SQSTM1: variants seen among roughly 807,000 people sequenced by gnomAD.
SQSTM1 encodes sequestosome 1, also known as sequestosome-1.
A neutral mutation model predicts 45.1 loss-of-function variants in SQSTM1; 36 were observed. That is an observed-to-expected ratio of 0.80 (90% CI 0.61 to 1.05). The LOEUF (loss-of-function observed/expected upper bound fraction) is 1.05, where lower values mean the gene tolerates loss of function less well. Ranked by LOEUF, SQSTM1 falls within the 50% of genes least tolerant of loss-of-function variation. The probability of loss-of-function intolerance (pLI) is 0.00; values close to 1 mark genes in which losing one functional copy is unlikely to be tolerated. For missense variants in SQSTM1, 617 were observed against 607.1 expected (o/e 1.02, Z -0.17); for synonymous variants, 290 against 244.3 (o/e 1.19, Z -1.74).
chr5:179,834,086 A>G (rs1348498055), intron 7 of SQSTM1, among the ~76,000 whole-genome samples: 1 of 145,196 alleles, frequency 6.9e-6, no homozygotes, highest in Non-Finnish European at 1.5e-5. Flanking sequence ...TGTGACACAG[A>G]GAGGGGGCAG....
chr5:179,836,738 G>A lies in SQSTM1; in HGVS notation c.*145G>A, dbSNP rs796259575. 3.2e-6 allele frequency: 4 copies of A among 1,243,720 alleles called. No homozygotes were observed. The Admixed American group carries it at 7.0e-5, about 22-fold the overall frequency. The allele number at this position is 1,243,720 out of a possible 1,614,324, so 77.0% of individuals were successfully genotyped here. On this transcript the variant is annotated 3_prime_UTR_variant, in exon 8 of 8. Coordinates refer to ENST00000389805, the MANE Select transcript of SQSTM1 (RefSeq NM_003900.5). ...AGGGTGCAAGAAGCCATTTAGGGCAGCAAAACAAGTGACATGAAGGGAGGG... is the reference window on the plus strand; with the variant it reads ...AGGGTGCAAGAAGCCATTTAGGGCAACAAAACAAGTGACATGAAGGGAGGG...
chr5:179,819,715 CGGATGCAGGGA>C (rs1562647097), upstream of SQSTM1, among the ~76,000 whole-genome samples: 1 of 152,194 alleles, frequency 6.6e-6, no homozygotes, highest in African/African-American at 2.4e-5. Context: ...TCTCCACCGC[CGGATGCAGGGA>C]GAGGCCTGAA....
At chr5:179,824,408 C>T in intron 4 of SQSTM1, 85 bp downstream of exon 4, 2 of 1,596,316 alleles carry the variant, frequency 1.3e-6, no homozygotes, top group South Asian at 2.2e-5. Context: ...AGCGTGTGTG[C>T]AAGGCAAGAA....
At chr5:179,817,060 C>T (rs1347942141), upstream of SQSTM1, among the ~76,000 whole-genome samples, 2 of 150,374 alleles carry the variant, frequency 1.3e-5, no homozygotes, top group African/African-American at 2.4e-5. Context: ...CGAGGCCTTC[C>T]GCGGGCGTGC....
At chr5:179,824,920 C>T (rs1757932303) in intron 4 of SQSTM1, among the ~76,000 whole-genome samples, 1 of 151,482 alleles carries the variant, frequency 6.6e-6, no homozygotes, top group African/African-American at 2.4e-5. Context: ...GCACCAGGGT[C>T]ACAGATGAGG....
intron 7 of SQSTM1, among the ~76,000 whole-genome samples, chr5:179,834,416 T>TTTATTTAG (rs1758409266): frequency 6.6e-6 from 1 of 151,122 alleles, no homozygotes; most frequent in African/African-American, 2.4e-5. Context: ...TTTTTGTTTA[T>TTTATTTAG]TTATTTATTT....
upstream of SQSTM1, chr5:179,820,470 G>A (rs193109098): frequency 6.4e-6 from 1 of 155,572 alleles, no homozygotes; most frequent in African/African-American, 2.4e-5. Context: ...GGCCAGCAGT[G>A]CCCACTGGGC....
Position 179,821,497 on chromosome 5 carries a change from G to A in SQSTM1, c.205+356G>A, listed in dbSNP as rs1029524912. The A allele has an allele frequency of 7.6e-6, 4 of 524,430 alleles. No homozygotes were observed. The African/African-American group carries it at 7.7e-5, about 10-fold the overall frequency. The allele number at this position is 524,430 out of a possible 1,614,324, so 32.5% of individuals were successfully genotyped here. A position where few individuals can be genotyped will look rare whatever the true frequency, so the allele number is the denominator to read the frequency against. On this transcript the variant is annotated intron_variant, in intron 1 of 7. Coordinates refer to ENST00000389805, the MANE Select transcript of SQSTM1 (RefSeq NM_003900.5). Reference sequence around the variant, plus strand: ...GGGGCGAACGCTCTGGCTCTCCGCGGGCACTGGGTGGTCAGGCGGGCACTC... The same window carrying A: ...GGGGCGAACGCTCTGGCTCTCCGCGAGCACTGGGTGGTCAGGCGGGCACTC...
intron 1 of SQSTM1, chr5:179,821,825 G>A: frequency 3.4e-6 from 1 of 290,128 alleles, no homozygotes; most frequent in South Asian, 2.5e-5. Context: ...TGCTGGGGGT[G>A]GGGTTAGGGA....
In SQSTM1 at chr5:179,823,445, CAAAAAAAAAAAAAAAAAAAAAAAA is replaced by C. The variant is rs59899831; in HGVS notation, c.302-401_302-378del. The C allele has an allele frequency of 6.1e-4, 34 of 55,928 alleles. No individual in the cohort carries two copies. In the South Asian group the frequency reaches 7.2e-3, roughly 12 times the overall value. 3.5% of individuals were successfully genotyped at this position (55,928 alleles called of 1,614,324 possible). A position where few individuals can be genotyped will look rare whatever the true frequency, so the allele number is the denominator to read the frequency against. On this transcript the variant is annotated intron_variant, in intron 2 of 7. Transcript: ENST00000389805. Reference sequence around the variant, plus strand: ...CATGACTGTACTCCAGCCTAGGCGACAAAAAAAAAAAAAAAAAAAAAAAAAAAAAAAAAAAGACATTTTAAGTGC... The same window carrying C: ...CATGACTGTACTCCAGCCTAGGCGACAAAAAAAAAAAGACATTTTAAGTGC...
chr5:179,830,509 G>C (rs1322671797), intron 5 of SQSTM1, among the ~76,000 whole-genome samples: 1 of 151,870 alleles, frequency 6.6e-6, no homozygotes, highest in African/African-American at 2.4e-5. Context: ...AGCCTCCCCA[G>C]TAGCTGGGAC....
At position 179,806,600 on chromosome 5, in the gene SQSTM1, CG is replaced by C; in HGVS notation, c.-157+12del. On this transcript the variant is annotated intron_variant, in intron 1 of 5. Coordinates refer to the SQSTM1 transcript ENST00000514093. This position sits in a 1 kb window ranked among gnomAD's most constrained non-coding sequence, Gnocchi z 4.6. ...GAGCCTCATCTCCTCGGGTGCGCGG[CG>C]GGCGCCCGCGGGGCCGAGGCTGCAT... 8.2e-7 allele frequency: 1 copy of C among 1,217,080 alleles called. No individual in the cohort carries two copies. Among genetic ancestry groups the C allele is most frequent in the Non-Finnish European group, 1.1e-6 (1 of 948,350 alleles). 75.4% of individuals were successfully genotyped at this position (1,217,080 alleles called of 1,614,324 possible).
intron 1 of SQSTM1, among the ~76,000 whole-genome samples, chr5:179,811,255 G>GA (rs1045562364): frequency 6.6e-6 from 1 of 151,184 alleles, no homozygotes; most frequent in African/African-American, 2.4e-5. Context: ...AGGTCCAGGA[G>GA]AAACTCCCAC....
chr5:179,815,818 C>T (rs940781770), upstream of SQSTM1, among the ~76,000 whole-genome samples: 8 of 152,154 alleles, frequency 5.3e-5, no homozygotes, highest in Admixed American at 2.0e-4. Flanking sequence ...GATGACCCCA[C>T]GCCTTCTGCT....
rs765281544 is a variant in SQSTM1, at chr5:179,824,079, C to T, written c.523C>T (p.Leu175=). The change falls in exon 3 of 8, where the codon CTG becomes TTG. Residue 175 remains leucine, a synonymous_variant. Transcript: ENST00000389805. ...CGCATTCCCCAGCCCCTTCGGGCACCTGTCTGAGGTGAGCAGGCCCTCTGT... is the reference window on the plus strand; with the variant it reads ...CGCATTCCCCAGCCCCTTCGGGCACTTGTCTGAGGTGAGCAGGCCCTCTGT... The part of the protein sequence containing the change: ...KLAFPSPFGH[L]SEGFSHSRWL... The T allele has an allele frequency of 3.7e-6, 6 of 1,613,902 alleles. No individual in the cohort carries two copies. Among genetic ancestry groups the T allele is most frequent in the African/African-American group, 1.3e-5 (1 of 75,072 alleles).
rs1397666151 is a variant in SQSTM1, at chr5:179,836,986, C to T, written c.*393C>T. Reference sequence around the variant, plus strand: ...TAGTTGATTATTTTCTGCTACAGACCTGGTACACTCTGATTTTAGATAAAG... The same window carrying T: ...TAGTTGATTATTTTCTGCTACAGACTTGGTACACTCTGATTTTAGATAAAG... On this transcript the variant is annotated 3_prime_UTR_variant, in exon 8 of 8. Transcript: ENST00000389805. 3.3e-6 allele frequency: 2 copies of T among 611,274 alleles called. No homozygotes were observed. Among genetic ancestry groups the T allele is most frequent in the Middle Eastern group, 3.1e-4 (1 of 3,230 alleles). 37.9% of individuals were successfully genotyped at this position (611,274 alleles called of 1,614,324 possible). A position where few individuals can be genotyped will look rare whatever the true frequency, so the allele number is the denominator to read the frequency against.
chr5:179,824,119 G>A (rs756052353), intron 3 of SQSTM1, 32 bp downstream of exon 3: 1 of 1,613,610 alleles, frequency 6.2e-7, no homozygotes, highest in Non-Finnish European at 8.5e-7. Context: ...GCCTGGGGTG[G>A]GCTCAGGGTG....
In SQSTM1 at chr5:179,821,144, G is replaced by A. The variant is rs2113480188; in HGVS notation, c.205+3G>A. 1 of 1,344,292 alleles carries A rather than the reference G, an allele frequency of 7.4e-7. No individual in the cohort carries two copies. Among genetic ancestry groups the A allele is most frequent in the African/African-American group, 1.5e-5 (1 of 65,002 alleles). The allele number at this position is 1,344,292 out of a possible 1,614,324, so 83.3% of individuals were successfully genotyped here. A position where few individuals can be genotyped will look rare whatever the true frequency, so the allele number is the denominator to read the frequency against. ...CGGCTTCCAGGCGCACTACCGCGGT[G>A]AGCGGGCCGGGGAGCGGCGGGGGCG... On this transcript the variant is annotated splice_donor_region_variant and intron_variant, in intron 1 of 7. Coordinates refer to ENST00000389805, the MANE Select transcript of SQSTM1 (RefSeq NM_003900.5).
At chr5:179,820,837 C>G, upstream of SQSTM1, 2 of 1,200,828 alleles carry the variant, frequency 1.7e-6, no homozygotes, top group Admixed American at 3.6e-5. Flanking sequence ...GCGAGAGACT[C>G]CGCCCCTCTC....
Sources: allele counts gnomAD v4.1 joint callset (sites outside exome capture counted in the v4.1 genomes callset), GRCh38; gene constraint gnomAD v4.1.1; non-coding constraint Gnocchi (gnomAD v3.1); transcripts MANE v1.5; gene names NCBI Gene and HGNC (gene_info 2026-07-23, HGNC 2026-07-21).